Variants in FUCA1 observed in about 807,000 individuals in gnomAD.
FUCA1 encodes the protein alpha-L-fucosidase 1.
Under a neutral mutation model 56.8 loss-of-function variants are expected in FUCA1, and 52 were observed. The ratio of observed to expected loss-of-function variants is 0.92; its 90% CI spans 0.73 to 1.15. The LOEUF (loss-of-function observed/expected upper bound fraction) is 1.15. Among genes scored for constraint, FUCA1 ranks in the 50% most tolerant of loss-of-function variants. The pLI, the probability that FUCA1 is intolerant of heterozygous loss-of-function variation, is 0.00. For missense variants in FUCA1, 568 were observed against 592.6 expected (o/e 0.96, Z 0.43); for synonymous variants, 230 against 226.6 (o/e 1.02, Z -0.14).
chr1:23,859,793 C>A lies in FUCA1; in HGVS notation c.768+5G>T. On this transcript the variant is annotated splice_donor_5th_base_variant and intron_variant, in intron 4 of 7. Coordinates refer to ENST00000374479, the MANE Select transcript of FUCA1 (RefSeq NM_000147.5). Reference sequence around the variant, plus strand: ...AGATAAATAAGAAGTCATATAATCACATACCTTGACAGGGCTGTCATTGTA... The same window carrying A: ...AGATAAATAAGAAGTCATATAATCAAATACCTTGACAGGGCTGTCATTGTA... 1 of 1,577,994 alleles carries A rather than the reference C, an allele frequency of 6.3e-7. No individual in the cohort carries two copies. The highest frequency in any genetic ancestry group is 1.7e-5 in the Admixed American group (1 of 59,952).
intron 1 of FUCA1, among the ~76,000 whole-genome samples, chr1:23,866,982 T>C (rs993246637): frequency 2.1e-4 from 32 of 152,144 alleles, no homozygotes; most frequent in African/African-American, 7.2e-4. Flanking sequence ...TACAAGTGAA[T>C]TCAAAGTTCA....
At chr1:23,847,102 A>G (rs535843419) in intron 6 of FUCA1, among the ~76,000 whole-genome samples, 1 of 152,218 alleles carries the variant, frequency 6.6e-6, no homozygotes, top group East Asian at 1.9e-4. Context: ...ACTCAATACC[A>G]ATGAAGGTGT....
intron 5 of FUCA1, among the ~76,000 whole-genome samples, chr1:23,850,949 T>A (rs1471804590): frequency 6.6e-6 from 1 of 151,882 alleles, no homozygotes; most frequent in Non-Finnish European, 1.5e-5. Flanking sequence ...TTATTAAAAA[T>A]AATAATAATA....
In FUCA1 at chr1:23,848,637, G is replaced by A. The variant is rs757364569; in HGVS notation, c.1160+12C>T. ...TGTTCTGTTCTTACACACAACAGAA[G>A]ACAAGACTCACCATACAGATGTTGT... On this transcript the variant is annotated intron_variant, in intron 6 of 7. Coordinates refer to ENST00000374479, the MANE Select transcript of FUCA1 (RefSeq NM_000147.5). 1.2e-6 allele frequency: 2 copies of A among 1,613,730 alleles called. No individual in the cohort carries two copies. Among genetic ancestry groups the A allele is most frequent in the Non-Finnish European group, 8.5e-7 (1 of 1,179,686 alleles).
chr1:23,847,796 T>G (rs972265461), intron 6 of FUCA1, among the ~76,000 whole-genome samples: 1 of 152,088 alleles, frequency 6.6e-6, no homozygotes, highest in Non-Finnish European at 1.5e-5. Flanking sequence ...CAGAGGCAGG[T>G]GGATCACTTG....
In FUCA1 at chr1:23,854,504, T is replaced by A. The variant is rs199675692; in HGVS notation, c.825A>T (p.Gly275=). 124 of 1,614,060 alleles carry A rather than the reference T, an allele frequency of 7.7e-5. No homozygotes were observed. Among genetic ancestry groups the A allele is most frequent in the Non-Finnish European group, 2.3e-5 (27 of 1,179,934 alleles). Residue 275 remains glycine (G), a synonymous_variant, in exon 5 of 8, where the codon GGA becomes GGT. Transcript: ENST00000374479. Reference sequence around the variant, plus strand: ...TGAATTTATCTTCACAGTTATAGTATCCTCCATGGTGACAGGAACAGTTCT... The same window carrying A: ...TGAATTTATCTTCACAGTTATAGTAACCTCCATGGTGACAGGAACAGTTCT... ...WGQNCSCHHG[G]YYNCEDKFKP...
chr1:23,857,970 A>T (rs894806722), intron 4 of FUCA1, among the ~76,000 whole-genome samples: 1 of 148,630 alleles, frequency 6.7e-6, no homozygotes, highest in Non-Finnish European at 1.5e-5. Flanking sequence ...GCCCGGCCTT[A>T]GAAAACCACT....
chr1:23,866,488 A>C (rs1159098711), intron 1 of FUCA1, among the ~76,000 whole-genome samples: 1 of 152,254 alleles, frequency 6.6e-6, no homozygotes, highest in Non-Finnish European at 1.5e-5. Flanking sequence ...CTTTTATGGC[A>C]CAAAAATAGG....
At chr1:23,855,215 A>T (rs1339976555) in intron 4 of FUCA1, among the ~76,000 whole-genome samples, 2 of 152,372 alleles carry the variant, frequency 1.3e-5, no homozygotes, top group Non-Finnish European at 2.9e-5. Flanking sequence ...AGCATATTTT[A>T]TAACAGAGTG....
intron 2 of FUCA1, among the ~76,000 whole-genome samples, chr1:23,863,864 A>G (rs1406366378): frequency 6.6e-6 from 1 of 152,148 alleles, no homozygotes; most frequent in Non-Finnish European, 1.5e-5. Context: ...AACAAAAACA[A>G]AACAAAACAA....
At chr1:23,848,871 T>C (rs777598073) in intron 5 of FUCA1, 32 bp from the exon 6 acceptor site, 1 of 1,573,084 alleles carries the variant, frequency 6.4e-7, no homozygotes, top group Non-Finnish European at 8.7e-7. Flanking sequence ...AAAGTCTAGC[T>C]ATGAATGCCA....
chr1:23,861,866 C>T (rs1570686809), intron 3 of FUCA1, among the ~76,000 whole-genome samples: 2 of 152,178 alleles, frequency 1.3e-5, no homozygotes, highest in East Asian at 3.8e-4. Flanking sequence ...CTAGGAAGAT[C>T]ACTAAGTGGC....
chr1:23,856,619 C>G (rs1301739552), intron 4 of FUCA1, among the ~76,000 whole-genome samples: 5 of 152,142 alleles, frequency 3.3e-5, no homozygotes, highest in Non-Finnish European at 7.3e-5. Flanking sequence ...TCTACAGTCC[C>G]CATATGTCTG....
chr1:23,863,043 T>A, intron 3 of FUCA1, 91 bp downstream of exon 3: 1 of 1,369,364 alleles, frequency 7.3e-7, no homozygotes, highest in Non-Finnish European at 1.0e-6. Context: ...GTTTTTTTCA[T>A]ACCTATCCCT....
intron 4 of FUCA1, among the ~76,000 whole-genome samples, chr1:23,854,893 A>T (rs992268071): frequency 6.6e-6 from 1 of 152,234 alleles, no homozygotes; most frequent in Non-Finnish European, 1.5e-5. Context: ...GATACATGTC[A>T]GGGCTGGGAG....
intron 4 of FUCA1, among the ~76,000 whole-genome samples, chr1:23,856,033 T>G (rs909822860): frequency 6.6e-6 from 1 of 152,102 alleles, no homozygotes; most frequent in African/African-American, 2.4e-5. Context: ...GGTTACAAGA[T>G]TATCAAGGGC....
In FUCA1 at chr1:23,868,190, G is replaced by T. The variant is rs778425491; in HGVS notation, c.97C>A (p.Pro33Thr). 1.2e-6 allele frequency: 2 copies of T among 1,602,250 alleles called. No homozygotes were observed. The highest frequency in any genetic ancestry group is 3.4e-5 in the Admixed American group (2 of 58,396). Residue 33 changes from proline (P) to threonine (T), a missense_variant, in exon 1 of 8, where the codon CCT (proline) becomes ACT (threonine). Physicochemically the swap from Pro to Thr is conservative, Grantham distance 38 (BLOSUM62 -1). Transcript: ENST00000374479. ...CAGTCTGGGGTGTAGCGGCGCGGAG[G>T]CTGGGCCCGACGCACCGACTCGGCC... is the stretch of plus-strand genomic sequence containing the variant. ...GAAESVRRAQ[P>T]PRRYTPDWPS...
intron 5 of FUCA1, among the ~76,000 whole-genome samples, chr1:23,850,297 C>T (rs1300063909): frequency 1.0e-5 from 1 of 98,420 alleles, no homozygotes; most frequent in Non-Finnish European, 2.0e-5. Flanking sequence ...GCCTGGGCAA[C>T]AAGAGCGAAA....
Position 23,854,472 on chromosome 1 carries a change from T to C in FUCA1, c.857A>G (p.Gln286Arg), listed in dbSNP as rs13551. ...YYNCEDKFKP[Q>R]SLPDHKWEMC... is the part of the protein sequence containing the mutation. ...CTCCCACTTGTGATCTGGCAAGCTCTGTGGCTTGAATTTATCTTCACAGTT... is the reference window on the plus strand; with the variant it reads ...CTCCCACTTGTGATCTGGCAAGCTCCGTGGCTTGAATTTATCTTCACAGTT... Residue 286 changes from glutamine (Q) to arginine (R), a missense_variant, in exon 5 of 8, where the codon CAG (glutamine) becomes CGG (arginine). Transcript: ENST00000374479. 0.31 allele frequency: 501,194 copies of C among 1,613,656 alleles called. 81,648 individuals are homozygous for C. Among genetic ancestry groups the C allele is most frequent in the Non-Finnish European group, 0.34 (397,158 of 1,179,634 alleles).
Sources: gnomAD v4.1 joint callset for allele counts (sites outside exome capture counted in the v4.1 genomes callset) on GRCh38, gnomAD v4.1.1 for gene constraint, MANE v1.5 for transcripts, NCBI Gene and HGNC (gene_info 2026-07-23, HGNC 2026-07-21) for gene names.